The following FZD3 variants were observed in gnomAD, a reference collection of about 807,000 sequenced individuals.
FZD3 encodes the protein frizzled class receptor 3.
A neutral mutation model predicts 60.7 loss-of-function variants in FZD3; 30 were observed. The ratio of observed to expected loss-of-function variants is 0.49; its 90% CI spans 0.37 to 0.67. The LOEUF (loss-of-function observed/expected upper bound fraction) is 0.67, where lower values mean the gene tolerates loss of function less well. FZD3 is among the 30% of genes least tolerant of loss of function. The pLI, the probability that FZD3 is intolerant of heterozygous loss-of-function variation, is 0.00. For synonymous variants in FZD3, 246 were observed against 275.2 expected, an observed-to-expected ratio of 0.89 and a Z score of 1.05; for missense variants, 605 against 838.7, an observed-to-expected ratio of 0.72 and a Z score of 3.44.
chr8:28,531,817 C>T (rs1406779244), intron 5 of FZD3, among the ~76,000 whole-genome samples: 1 of 151,980 alleles, frequency 6.6e-6, no homozygotes, highest in Non-Finnish European at 1.5e-5. Context: ...TATTGGTTTT[C>T]TTTGTCAGTC....
rs1392689433 is a variant in FZD3, at chr8:28,565,106, T to C, written c.*2095T>C. ...GAAATTAGGTGTTGAAAAAGAATAT[T>C]CTCATCAGGCAGCAAAGTCAGTTTT... On this transcript the variant is annotated 3_prime_UTR_variant, in exon 8 of 8. Transcript: ENST00000240093. 6.6e-6 allele frequency: 1 copy of C among 152,190 alleles called. No homozygotes were observed. The allele number at this position is 152,190 out of a possible 1,614,324, so 9.4% of individuals were successfully genotyped here.
At chr8:28,549,519 G>T (rs1264777135) in intron 5 of FZD3, among the ~76,000 whole-genome samples, 1 of 151,928 alleles carries the variant, frequency 6.6e-6, no homozygotes, top group Non-Finnish European at 1.5e-5. Context: ...TATAAATAAT[G>T]ATCACATTGC....
intron 2 of FZD3, among the ~76,000 whole-genome samples, chr8:28,501,574 CAA>C (rs1401148066): frequency 6.6e-6 from 1 of 152,158 alleles, no homozygotes; most frequent in East Asian, 1.9e-4. Flanking sequence ...GAAATAAAAG[CAA>C]AGTTAACATC....
chr8:28,513,510 G>A (rs1804343307), intron 3 of FZD3, among the ~76,000 whole-genome samples: 1 of 151,838 alleles, frequency 6.6e-6, no homozygotes, highest in African/African-American at 2.4e-5. Flanking sequence ...TAAACCTATG[G>A]GATTAAAGGC....
chr8:28,537,451 T>C (rs965049985), intron 5 of FZD3, among the ~76,000 whole-genome samples: 151 of 152,240 alleles, frequency 9.9e-4, no homozygotes, highest in Non-Finnish European at 2.5e-4. Context: ...TGGCAAACTG[T>C]AAAAGATCAG....
chr8:28,501,239 T>C (rs1478786820), intron 2 of FZD3, among the ~76,000 whole-genome samples: 1 of 152,242 alleles, frequency 6.6e-6, no homozygotes, highest in African/African-American at 2.4e-5. Context: ...TTCTTTTCCC[T>C]TCTGTTAGTC....
At chr8:28,536,430 G>A (rs560678283) in intron 5 of FZD3, among the ~76,000 whole-genome samples, 2 of 152,210 alleles carry the variant, frequency 1.3e-5, no homozygotes, top group East Asian at 1.9e-4. Flanking sequence ...TTTATAGTCC[G>A]GGCGCAGTGG....
chr8:28,551,343 G>A (rs1162628441), intron 5 of FZD3, among the ~76,000 whole-genome samples: 3 of 152,042 alleles, frequency 2.0e-5, no homozygotes, highest in African/African-American at 4.8e-5. Flanking sequence ...GTGAAACCCC[G>A]TCTCTACTAA....
rs61146808 is a variant in FZD3, at chr8:28,547,485, A to G, written c.1405-4118A>G. On this transcript the variant is annotated intron_variant, in intron 5 of 7. Coordinates refer to ENST00000240093, the MANE Select transcript of FZD3 (RefSeq NM_017412.4). ...GCCAAATTGTCTTTTATAGAGGTTTATGAATTTACCTCTCCATCACCAATA... is the reference window on the plus strand; with the variant it reads ...GCCAAATTGTCTTTTATAGAGGTTTGTGAATTTACCTCTCCATCACCAATA... 4.7e-3 allele frequency among the ~76,000 whole-genome samples: 717 copies of G among 152,334 alleles called. 26 individuals are homozygous for G. The East Asian group carries it at 0.091, about 19-fold the overall frequency.
intron 5 of FZD3, among the ~76,000 whole-genome samples, chr8:28,543,759 A>AT (rs1331667274): frequency 1.3e-5 from 2 of 152,058 alleles, no homozygotes; most frequent in African/African-American, 2.4e-5. Flanking sequence ...TAACATGTAT[A>AT]TTTTAACTAA....
At chr8:28,506,142 A>G (rs932916023) in intron 3 of FZD3, among the ~76,000 whole-genome samples, 9 of 152,232 alleles carry the variant, frequency 5.9e-5, no homozygotes, top group Non-Finnish European at 1.3e-4. Context: ...TGTCAGTAGC[A>G]ATCTTTACTG....
At chr8:28,546,952 A>C (rs1050969612) in intron 5 of FZD3, among the ~76,000 whole-genome samples, 2 of 151,840 alleles carry the variant, frequency 1.3e-5, no homozygotes, top group Non-Finnish European at 2.9e-5. Context: ...CCTGGGCGAC[A>C]GAGCGAGACT....
At chr8:28,546,114 A>G (rs1490476239) in intron 5 of FZD3, among the ~76,000 whole-genome samples, 2 of 152,152 alleles carry the variant, frequency 1.3e-5, no homozygotes, top group Admixed American at 1.3e-4. Context: ...GTCTAAGTAC[A>G]CTCTGATATT....
chr8:28,556,774 C>T (rs1478131571), intron 7 of FZD3, among the ~76,000 whole-genome samples: 1 of 151,242 alleles, frequency 6.6e-6, no homozygotes, highest in Non-Finnish European at 1.5e-5. Flanking sequence ...ATTTGGCCAG[C>T]AGGCCTTAGT....
rs73230973 is a variant in FZD3 at position 28,519,064 on chromosome 8, A to G, written c.190-1574A>G. Reference sequence around the variant, plus strand: ...ATATATCAGTTATTATATTCATTTTATAGTTCTTTGACATCAGTTTCTATA... The same window carrying G: ...ATATATCAGTTATTATATTCATTTTGTAGTTCTTTGACATCAGTTTCTATA... On this transcript the variant is annotated intron_variant, in intron 3 of 7. Transcript: ENST00000240093. Among the ~76,000 whole-genome samples, 292 of 152,288 alleles carry G rather than the reference A, an allele frequency of 1.9e-3. No individual in the cohort carries two copies. The Middle Eastern group carries it at 0.041, about 21-fold the overall frequency.
chr8:28,512,241 C>G (rs1209433410), intron 3 of FZD3, among the ~76,000 whole-genome samples: 1 of 152,092 alleles, frequency 6.6e-6, no homozygotes, highest in African/African-American at 2.4e-5. Flanking sequence ...TTTCTCATTT[C>G]TAGGCCTTTC....
chr8:28,543,824 T>C (rs1327277383), intron 5 of FZD3, among the ~76,000 whole-genome samples: 1 of 152,128 alleles, frequency 6.6e-6, no homozygotes, highest in Admixed American at 6.5e-5. Flanking sequence ...GCAAAACTAG[T>C]CTCTAATTCC....
rs573507550 is a variant in FZD3, at chr8:28,569,225, C to A, written c.*6214C>A. The A allele has an allele frequency of 6.8e-6, 1 of 147,328 alleles. No homozygotes were observed. The highest frequency in any genetic ancestry group is 2.5e-5 in the African/African-American group (1 of 40,130). 9.1% of individuals were successfully genotyped at this position (147,328 alleles called of 1,614,324 possible). On this transcript the variant is annotated 3_prime_UTR_variant, in exon 8 of 8. Coordinates refer to ENST00000240093, the MANE Select transcript of FZD3 (RefSeq NM_017412.4). ...GAGCTTAATAATTTCTATTTTCTAT[C>A]CTGGAGTCTAAAATTAAACAAAAAA...
chr8:28,494,596 G>T (rs1803786256), intron 1 of FZD3, among the ~76,000 whole-genome samples: 1 of 151,986 alleles, frequency 6.6e-6, no homozygotes, highest in Non-Finnish European at 1.5e-5. Context: ...GGGGGCCTCG[G>T]GGACGCCTAG....
Sources: gnomAD v4.1 joint callset for allele counts (sites outside exome capture counted in the v4.1 genomes callset) on GRCh38, gnomAD v4.1.1 for gene constraint, MANE v1.5 for transcripts, NCBI Gene and HGNC (gene_info 2026-07-23, HGNC 2026-07-21) for gene names.